The following PHACTR1 variants were observed in gnomAD, a reference collection of about 807,000 sequenced individuals.
The protein encoded by PHACTR1 is phosphatase and actin regulator 1, also known as RPEL repeat containing 1.
Under a neutral mutation model 69.2 loss-of-function variants are expected in PHACTR1, and 16 were observed. The ratio of observed to expected loss-of-function variants is 0.23; its 90% CI spans 0.16 to 0.35. The LOEUF (loss-of-function observed/expected upper bound fraction) is 0.35, where lower values mean the gene tolerates loss of function less well. Among genes scored for constraint, PHACTR1 ranks in the 10% least tolerant of loss-of-function variants. The probability of loss-of-function intolerance (pLI) is 1.00; values close to 1 mark genes in which losing one functional copy is unlikely to be tolerated. For missense variants in PHACTR1, 510 were observed against 734.7 expected (o/e 0.69, Z 3.54); for synonymous variants, 312 against 284.5 (o/e 1.10, Z -0.97).
intron 7 of PHACTR1, among the ~76,000 whole-genome samples, chr6:13,204,943 T>C (rs1413230225): frequency 6.6e-6 from 1 of 152,244 alleles, no homozygotes; most frequent in African/African-American, 2.4e-5. Context: ...AAAGGATCTG[T>C]TCACATCATA....
intron 4 of PHACTR1, among the ~76,000 whole-genome samples, chr6:12,807,647 C>A (rs534845070): frequency 6.6e-6 from 1 of 152,324 alleles, no homozygotes; most frequent in African/African-American, 2.4e-5. Context: ...CTGATCGACA[C>A]TCTCATACCA....
Position 13,179,446 on chromosome 6 carries a change from T to TGTGTGTGTGTG in PHACTR1, c.497-3073_497-3072insGTGTGTGTGTG, listed in dbSNP as rs1761876709. Among the ~76,000 whole-genome samples the TGTGTGTGTGTG allele has an allele frequency of 7.0e-5, 6 of 85,320 alleles. No individual in the cohort carries two copies. The highest frequency in any genetic ancestry group is 1.2e-4 in the Non-Finnish European group (5 of 40,708). 56.0% of individuals were successfully genotyped at this position (85,320 alleles called of 152,430 possible). ...TGTGTGTGTGTGTGTGTGTGTGTGT[T>TGTGTGTGTGTG]TAAAAATGTCATAATAAAAAATTTA... On this transcript the variant is annotated intron_variant, in intron 6 of 14. Transcript: ENST00000332995. The surrounding 1 kb of genome is among the most constrained non-coding windows in gnomAD (Gnocchi z 4.2).
At chr6:12,835,301 T>C (rs1375684186) in intron 4 of PHACTR1, among the ~76,000 whole-genome samples, 2 of 152,024 alleles carry the variant, frequency 1.3e-5, no homozygotes, top group Non-Finnish European at 2.9e-5. Flanking sequence ...TGGGGACACC[T>C]GTGTCAGAGT....
intron 10 of PHACTR1, among the ~76,000 whole-genome samples, chr6:13,259,939 T>C (rs940728404): frequency 1.3e-5 from 2 of 152,206 alleles, no homozygotes; most frequent in Admixed American, 6.5e-5. Flanking sequence ...GAAAAGGGCA[T>C]AGTACTGAGG....
chr6:13,038,818 C>T (rs1803744280), intron 4 of PHACTR1, among the ~76,000 whole-genome samples: 1 of 152,154 alleles, frequency 6.6e-6, no homozygotes, highest in African/African-American at 2.4e-5. Context: ...TCTTAAAGAC[C>T]AAGATGCCTC....
rs1447349743 is a variant in PHACTR1, at chr6:13,180,125, A to G, written c.497-2394A>G. On this transcript the variant is annotated intron_variant, in intron 6 of 14. Transcript: ENST00000332995. ...GTTATGCTTATAATAGTATGGGGGA[A>G]GCAAGCTATAAAACTTGGCACACAG... Among the ~76,000 whole-genome samples, 2 of 152,216 alleles carry G rather than the reference A, an allele frequency of 1.3e-5. 1 individual carries two copies.
intron 10 of PHACTR1, among the ~76,000 whole-genome samples, chr6:13,237,392 A>T (rs537935587): frequency 6.6e-6 from 1 of 152,044 alleles, no homozygotes; most frequent in Non-Finnish European, 1.5e-5. Flanking sequence ...AAAAAATGAG[A>T]TAGGCAAAAA....
intron 5 of PHACTR1, among the ~76,000 whole-genome samples, chr6:13,129,662 A>C (rs1263048970): frequency 6.6e-6 from 1 of 152,164 alleles, no homozygotes; most frequent in Non-Finnish European, 1.5e-5. Context: ...TAAAATAATT[A>C]CTACTAGACC....
chr6:13,119,996 A>G (rs1173510344), intron 5 of PHACTR1, among the ~76,000 whole-genome samples: 1 of 152,108 alleles, frequency 6.6e-6, no homozygotes, highest in African/African-American at 2.4e-5. Flanking sequence ...TGTCACATCA[A>G]ATCGACCTGC....
chr6:12,938,041 A>G (rs1184322977), intron 4 of PHACTR1, among the ~76,000 whole-genome samples: 2 of 152,136 alleles, frequency 1.3e-5, no homozygotes, highest in African/African-American at 2.4e-5. Context: ...TGGAGGTTGC[A>G]GTGGGCCGAG....
At chr6:13,106,768 ATT>A (rs536143696) in intron 5 of PHACTR1, among the ~76,000 whole-genome samples, 1,905 of 151,790 alleles carry the variant, frequency 0.013, 40 homozygotes, top group African/African-American at 0.043. Flanking sequence ...ATATTGCCCA[ATT>A]TTTTTTCATC....
chr6:12,977,498 C>T (rs182878569), intron 4 of PHACTR1, among the ~76,000 whole-genome samples: 1 of 152,168 alleles, frequency 6.6e-6, no homozygotes, highest in Non-Finnish European at 1.5e-5. Context: ...TTCACACACT[C>T]TCTCCCCCTA....
chr6:12,807,700 G>T (rs1039977081), intron 4 of PHACTR1, among the ~76,000 whole-genome samples: 1 of 152,140 alleles, frequency 6.6e-6, no homozygotes, highest in African/African-American at 2.4e-5. Flanking sequence ...TCCTTCCTTT[G>T]TGAACCTTCC....
intron 10 of PHACTR1, among the ~76,000 whole-genome samples, chr6:13,231,086 A>AG (rs369662349): frequency 0.43 from 17,254 of 39,988 alleles, 3,962 homozygotes; most frequent in Middle Eastern, 0.45. Flanking sequence ...GAAGGAAGGA[A>AG]GAAGGAAGGA....
At chr6:13,034,078 G>T (rs112284430) in intron 4 of PHACTR1, among the ~76,000 whole-genome samples, 1 of 151,610 alleles carries the variant, frequency 6.6e-6, no homozygotes, top group Non-Finnish European at 1.5e-5. Context: ...GTGCAGTGGC[G>T]CGATCTCGGC....
intron 4 of PHACTR1, among the ~76,000 whole-genome samples, chr6:12,897,861 C>G (rs1173174082): frequency 2.6e-5 from 4 of 152,080 alleles, no homozygotes; most frequent in Non-Finnish European, 5.9e-5. Flanking sequence ...TGCTCCCTCC[C>G]CTATTCCCTC....
chr6:12,784,038 A>G (rs1250718421), intron 4 of PHACTR1, among the ~76,000 whole-genome samples: 2 of 151,466 alleles, frequency 1.3e-5, no homozygotes, highest in African/African-American at 2.5e-5. Context: ...ATGCACACAC[A>G]TATCTATACA....
intron 4 of PHACTR1, among the ~76,000 whole-genome samples, chr6:12,825,561 T>G (rs1427359295): frequency 1.3e-5 from 2 of 152,236 alleles, no homozygotes; most frequent in Non-Finnish European, 2.9e-5. Flanking sequence ...CAAGTGCTGG[T>G]TGTGATGATC....
At chr6:13,130,116 T>G (rs1419294601) in intron 5 of PHACTR1, among the ~76,000 whole-genome samples, 1 of 152,038 alleles carries the variant, frequency 6.6e-6, no homozygotes, top group Non-Finnish European at 1.5e-5. Context: ...ACAATAATAG[T>G]GACACAATTT....
Sources: gnomAD v4.1 joint callset for allele counts (sites outside exome capture counted in the v4.1 genomes callset) on GRCh38, gnomAD v4.1.1 for gene constraint, Gnocchi (gnomAD v3.1) non-coding constraint, MANE v1.5 for transcripts, NCBI Gene and HGNC (gene_info 2026-07-23, HGNC 2026-07-21) for gene names.